The following SLC1A5 variants were observed in gnomAD, a reference collection of about 807,000 sequenced individuals.
SLC1A5 encodes neutral amino acid transporter B(0).
Under a neutral mutation model 34.9 loss-of-function variants are expected in SLC1A5, and 25 were observed. The ratio of observed to expected loss-of-function variants is 0.72; its 90% CI spans 0.52 to 1.00. SLC1A5 has a LOEUF of 1.00. Ranked by LOEUF, SLC1A5 falls within the 50% of genes least tolerant of loss-of-function variation. SLC1A5 has a pLI of 0.00. For missense variants in SLC1A5, 637 were observed against 740.0 expected (o/e 0.86, Z 1.61); for synonymous variants, 351 against 341.2 (o/e 1.03, Z -0.32).
chr19:46,785,961 G>A (rs1454042958), intron 1 of SLC1A5, among the ~76,000 whole-genome samples: 1 of 151,546 alleles, frequency 6.6e-6, no homozygotes, highest in Non-Finnish European at 1.5e-5. Context: ...ACGGAAGGCT[G>A]AGGCACGAGA....
intron 5 of SLC1A5, 36 bp from the exon 6 acceptor site, chr19:46,777,441 G>A: frequency 6.4e-7 from 1 of 1,550,872 alleles, no homozygotes; most frequent in Non-Finnish European, 8.7e-7. Context: ...AGGTTAACCT[G>A]CTGACCGGGG....
At chr19:46,775,848 C>A in intron 7 of SLC1A5, 101 bp from the exon 8 acceptor site, 1 of 1,276,140 alleles carries the variant, frequency 7.8e-7, no homozygotes, top group African/African-American at 1.5e-5. Flanking sequence ...CCCCTGGAAT[C>A]TAAAAAGTAA....
At position 46,779,007 on chromosome 19, in the gene SLC1A5, G is replaced by A. The variant is rs565481973; in HGVS notation, c.825-99C>T. On this transcript the variant is annotated intron_variant, in intron 4 of 7. Coordinates refer to ENST00000542575, the MANE Select transcript of SLC1A5 (RefSeq NM_005628.3). Reference sequence around the variant, plus strand: ...TACCCACATCTTCCTGCCTTCCTGAGGTCAGGAGAAGCCCCAGCAATGTGT... The same window carrying A: ...TACCCACATCTTCCTGCCTTCCTGAAGTCAGGAGAAGCCCCAGCAATGTGT... The A allele has an allele frequency of 2.6e-4, 219 of 840,546 alleles. 3 individuals carry two copies. In the South Asian group the frequency reaches 3.8e-3, roughly 14 times the overall value. The allele number at this position is 840,546 out of a possible 1,614,324, so 52.1% of individuals were successfully genotyped here.
At chr19:46,776,888 G>T in intron 7 of SLC1A5, 87 bp downstream of exon 7, 2 of 1,393,690 alleles carry the variant, frequency 1.4e-6, no homozygotes, top group Non-Finnish European at 2.0e-6. Context: ...TTCCTCTTCT[G>T]TCCAGAGGCT....
chr19:46,787,614 T>G lies in SLC1A5; in HGVS notation c.352A>C (p.Ser118Arg). The G allele has an allele frequency of 1.3e-6, 2 of 1,563,854 alleles. No individual in the cohort carries two copies. Among genetic ancestry groups the G allele is most frequent in the Non-Finnish European group, 1.7e-6 (2 of 1,157,172 alleles). ...VVCSLIGGAASLDPGALGRLG... is the reference protein window; with the variant it reads ...VVCSLIGGAARLDPGALGRLG... Reference sequence around the variant, plus strand: ...CGGCCGAGCGCGCCGGGGTCCAGGCTGGCGGCGCCGCCGATCAAGCTGCAC... The same window carrying G: ...CGGCCGAGCGCGCCGGGGTCCAGGCGGGCGGCGCCGCCGATCAAGCTGCAC... The change falls in exon 1 of 8, where the codon AGC becomes CGC. Residue 118 changes from serine (S) to arginine (R), a missense_variant. By Grantham distance (110) the Ser-to-Arg change is moderately radical. Coordinates refer to ENST00000542575, the MANE Select transcript of SLC1A5 (RefSeq NM_005628.3). This position sits in a 1 kb window ranked among gnomAD's most constrained non-coding sequence, Gnocchi z 5.2.
chr19:46,784,281 G>C (rs1266277552), intron 2 of SLC1A5, 137 bp from the exon 3 acceptor site: 1 of 806,218 alleles, frequency 1.2e-6, no homozygotes, highest in Non-Finnish European at 2.0e-6. Flanking sequence ...CAACCCCATG[G>C]GGCAGGATGA....
chr19:46,786,492 G>C (rs776292743), intron 1 of SLC1A5, among the ~76,000 whole-genome samples: 1 of 152,158 alleles, frequency 6.6e-6, no homozygotes, highest in South Asian at 2.1e-4. Context: ...GCTTCAACTC[G>C]GGACACCAAG....
At chr19:46,781,679 G>A (rs1284900827) in intron 4 of SLC1A5, among the ~76,000 whole-genome samples, 1 of 152,110 alleles carries the variant, frequency 6.6e-6, no homozygotes, top group Admixed American at 6.6e-5. Context: ...CATCATCACT[G>A]ACTAGTTATC....
chr19:46,786,919 C>T (rs922340984), intron 1 of SLC1A5, among the ~76,000 whole-genome samples: 5 of 152,152 alleles, frequency 3.3e-5, no homozygotes, highest in African/African-American at 1.2e-4. Context: ...GTCCGAGTGA[C>T]ACGTGGTGTG....
In SLC1A5 at chr19:46,777,339, G is replaced by A; in HGVS notation, c.1125C>T (p.Ser375=). ...TGGCGCCGATGGGCAGGATGAAACG[G>A]CTGATGTGCTTGGCCACGCCATTAT... is the stretch of plus-strand genomic sequence containing the variant. ...EENNGVAKHI[S]RFILPIGATV... is the part of the protein sequence containing the mutation. Residue 375 remains serine (S), a synonymous_variant, in exon 6 of 8, where the codon AGC becomes AGT. Transcript: ENST00000542575. The A allele has an allele frequency of 6.2e-7, 1 of 1,613,766 alleles. No individual in the cohort carries two copies. Among genetic ancestry groups the A allele is most frequent in the East Asian group, 2.2e-5 (1 of 44,864 alleles).
chr19:46,784,247 A>T (rs1222069472), intron 2 of SLC1A5, 103 bp from the exon 3 acceptor site: 3 of 932,688 alleles, frequency 3.2e-6, no homozygotes, highest in Non-Finnish European at 5.1e-6. Context: ...CATCCTTTCA[A>T]TGTGATCTCA....
intron 1 of SLC1A5, chr19:46,784,981 C>T (rs539930511): frequency 5.0e-5 from 40 of 793,494 alleles, no homozygotes; most frequent in Admixed American, 2.9e-4. Flanking sequence ...TGTTGGGAGG[C>T]GGTGGCGGGG....
Position 46,787,870 on chromosome 19 carries a change from G to C in SLC1A5, c.96C>G (p.Gly32=), listed in dbSNP as rs1472867240. The C allele has an allele frequency of 1.3e-6, 2 of 1,561,334 alleles. No individual in the cohort carries two copies. Among genetic ancestry groups the C allele is most frequent in the Non-Finnish European group, 1.7e-6 (2 of 1,153,912 alleles). The change falls in exon 1 of 8, where the codon GGC becomes GGG. Residue 32 remains glycine (G), a synonymous_variant. Coordinates refer to ENST00000542575, the MANE Select transcript of SLC1A5 (RefSeq NM_005628.3). This position sits in a 1 kb window ranked among gnomAD's most constrained non-coding sequence, Gnocchi z 5.2. The part of the protein sequence containing the change: ...GLALASIEDQ[G]AAAGGYCGSR... ...AACCGCAGTAGCCGCCTGCTGCCGC[G>C]CCTTGGTCCTCGATGGAGGCCAGCG...
chr19:46,784,485 C>A lies in SLC1A5; in HGVS notation c.609+32G>T, dbSNP rs544748497. On this transcript the variant is annotated intron_variant, in intron 2 of 7. Transcript: ENST00000542575. ...TGGCTGGCATCCCTCCCTGTCCACC[C>A]CCATCCCCTCAGGACACCCCTGAGG... 4.5e-5 allele frequency: 73 copies of A among 1,613,644 alleles called. 1 individual carries two copies. In the South Asian group the frequency reaches 5.7e-4, roughly 13 times the overall value.
chr19:46,785,223 A>C (rs1004912712), intron 1 of SLC1A5, among the ~76,000 whole-genome samples: 2 of 152,190 alleles, frequency 1.3e-5, no homozygotes, highest in Non-Finnish European at 1.5e-5. Flanking sequence ...TCTACAAAAA[A>C]TACAAAAATT....
At chr19:46,782,305 G>C (rs565790211) in intron 4 of SLC1A5, 78 bp downstream of exon 4, 1 of 1,328,590 alleles carries the variant, frequency 7.5e-7, no homozygotes, top group East Asian at 2.4e-5. Flanking sequence ...ATCCCAAACA[G>C]AATGCCCCGC....
In SLC1A5 at chr19:46,776,944, G is replaced by A. The variant is rs763962233; in HGVS notation, c.1388+31C>T. The A allele has an allele frequency of 3.1e-6, 5 of 1,605,374 alleles. No homozygotes were observed. In the African/African-American group the frequency reaches 5.4e-5, roughly 17 times the overall value. On this transcript the variant is annotated intron_variant, in intron 7 of 7. Transcript: ENST00000542575. ...ATCCTCTTTCCCAGGGGTACCCCTG[G>A]CCCTGCCCCAGTCTCCAGACCCACA...
chr19:46,780,841 C>G (rs2055140539), intron 4 of SLC1A5, among the ~76,000 whole-genome samples: 1 of 151,958 alleles, frequency 6.6e-6, no homozygotes, highest in Non-Finnish European at 1.5e-5. Context: ...TATGGTGGTT[C>G]GTGCCTTTGG....
intron 4 of SLC1A5, 48 bp downstream of exon 4, chr19:46,782,335 C>A: frequency 8.0e-7 from 1 of 1,242,424 alleles, no homozygotes; most frequent in Middle Eastern, 2.7e-4. Flanking sequence ...TGGCAGCAGA[C>A]CGACCCTCCA....
Sources: gnomAD v4.1 joint callset for allele counts (sites outside exome capture counted in the v4.1 genomes callset) on GRCh38, gnomAD v4.1.1 for gene constraint, Gnocchi (gnomAD v3.1) non-coding constraint, MANE v1.5 for transcripts, NCBI Gene and HGNC (gene_info 2026-07-23, HGNC 2026-07-21) for gene names.